Variants in FRMD4A observed in about 807,000 individuals in gnomAD.
FRMD4A encodes FERM domain containing 4A.
A neutral mutation model predicts 129.1 loss-of-function variants in FRMD4A; 29 were observed. That is an observed-to-expected ratio of 0.22 (90% confidence interval 0.17 to 0.31). The LOEUF is 0.31. Ranked by LOEUF, FRMD4A falls within the 10% of genes least tolerant of loss-of-function variation. FRMD4A has a pLI of 1.00. For missense variants in FRMD4A, 1,272 were observed against 1,375.8 expected (o/e 0.92, Z 1.19); for synonymous variants, 634 against 571.6 (o/e 1.11, Z -1.56).
At chr10:14,068,167 T>C (rs1835151219) in intron 2 of FRMD4A, among the ~76,000 whole-genome samples, 1 of 152,218 alleles carries the variant, frequency 6.6e-6, no homozygotes, top group South Asian at 2.1e-4. Flanking sequence ...TTATGGATTA[T>C]GCTATGAAGT....
chr10:14,297,792 C>A (rs975924046), intron 2 of FRMD4A, among the ~76,000 whole-genome samples: 5 of 151,892 alleles, frequency 3.3e-5, no homozygotes, highest in African/African-American at 1.2e-4. Context: ...CTGGGATGAG[C>A]CCCTGGGAGT....
chr10:13,893,652 GC>G (rs2094725747), intron 2 of FRMD4A, among the ~76,000 whole-genome samples: 1 of 152,104 alleles, frequency 6.6e-6, no homozygotes, highest in Non-Finnish European at 1.5e-5. Flanking sequence ...CTCCCGAGTA[GC>G]TGGGATTACA....
intron 12 of FRMD4A, among the ~76,000 whole-genome samples, chr10:13,714,429 G>A (rs1470627187): frequency 6.6e-6 from 1 of 151,206 alleles, no homozygotes; most frequent in African/African-American, 2.4e-5. Flanking sequence ...AGTTTTTTAG[G>A]CATTCAATAT....
intron 4 of FRMD4A, among the ~76,000 whole-genome samples, chr10:13,809,519 T>TA (rs35006642): frequency 0.54 from 81,683 of 152,000 alleles, 22,937 homozygotes; most frequent in Non-Finnish European, 0.62. Flanking sequence ...TAAAAGCTTT[T>TA]AAAAAAATTG....
At chr10:14,172,816 G>A (rs569030284) in intron 2 of FRMD4A, among the ~76,000 whole-genome samples, 40 of 152,270 alleles carry the variant, frequency 2.6e-4, no homozygotes, top group African/African-American at 8.4e-4. Flanking sequence ...GTCACCAAGG[G>A]GATCTCAAAG....
intron 12 of FRMD4A, among the ~76,000 whole-genome samples, chr10:13,733,445 T>G (rs1398775361): frequency 6.6e-6 from 1 of 152,144 alleles, no homozygotes; most frequent in African/African-American, 2.4e-5. Flanking sequence ...GGCCTGGTTT[T>G]TTTTTTGGAG....
intron 12 of FRMD4A, among the ~76,000 whole-genome samples, chr10:13,709,970 G>A (rs1224317165): frequency 6.6e-6 from 1 of 151,986 alleles, no homozygotes; most frequent in Non-Finnish European, 1.5e-5. Context: ...AGATTTTGGT[G>A]TGCCCATCCC....
At chr10:13,862,938 GTTTTTTTT>G (rs34188957) in intron 2 of FRMD4A, among the ~76,000 whole-genome samples, 1 of 144,600 alleles carries the variant, frequency 6.9e-6, no homozygotes, top group Admixed American at 6.9e-5. Context: ...GTTCTGTTTT[GTTTTTTTT>G]TTTGTTTCTT....
chr10:14,023,520 G>A (rs1196128469), intron 2 of FRMD4A, among the ~76,000 whole-genome samples: 3 of 152,126 alleles, frequency 2.0e-5, no homozygotes, highest in Non-Finnish European at 4.4e-5. Flanking sequence ...CGGGGGCAGC[G>A]CAGTGTTGTT....
intron 6 of FRMD4A, among the ~76,000 whole-genome samples, chr10:13,768,080 A>ATATGTGTGTG (rs140898917): frequency 6.7e-6 from 1 of 149,988 alleles, no homozygotes; most frequent in Non-Finnish European, 1.5e-5. Flanking sequence ...GTCTGCAGGT[A>ATATGTGTGTG]TGTGTGTGTG....
rs527726828 is a variant in FRMD4A at position 14,047,252 on chromosome 10, G to T, written c.46-188340C>A. ...ATTGATGGTCTTGCTTGGTGGAAAA[G>T]AAGAACCAAGAAGGTTACGTGGGTG... On this transcript the variant is annotated intron_variant, in intron 2 of 24. Transcript: ENST00000357447. Among the ~76,000 whole-genome samples, 77 of 152,282 alleles carry T rather than the reference G, an allele frequency of 5.1e-4. 1 individual carries two copies. In the South Asian group the frequency reaches 0.015, roughly 30 times the overall value.
intron 2 of FRMD4A, among the ~76,000 whole-genome samples, chr10:14,106,646 CCA>C (rs966189306): frequency 7.2e-5 from 11 of 152,274 alleles, no homozygotes; most frequent in African/African-American, 2.6e-4. Flanking sequence ...CTTGCTTTAT[CCA>C]CACTACTCAC....
chr10:14,155,522 C>T (rs955865444), intron 2 of FRMD4A, among the ~76,000 whole-genome samples: 1 of 152,086 alleles, frequency 6.6e-6, no homozygotes, highest in African/African-American at 2.4e-5. Flanking sequence ...CCTCAATAGC[C>T]ATAAAGGATG....
intron 12 of FRMD4A, among the ~76,000 whole-genome samples, chr10:13,708,116 A>G (rs1417789769): frequency 2.6e-5 from 4 of 152,238 alleles, no homozygotes; most frequent in African/African-American, 9.6e-5. Context: ...AAGAAGGGGT[A>G]AAGTAGGAAT....
chr10:13,808,867 C>G, intron 4 of FRMD4A, among the ~76,000 whole-genome samples: 1 of 152,214 alleles, frequency 6.6e-6, no homozygotes, highest in East Asian at 1.9e-4. Flanking sequence ...TGGATCATGC[C>G]AGAAGGATGG....
chr10:13,907,448 A>G (rs1019044495), intron 2 of FRMD4A, among the ~76,000 whole-genome samples: 9 of 152,188 alleles, frequency 5.9e-5, no homozygotes, highest in Admixed American at 2.0e-4. Context: ...ATACCTAGAA[A>G]GTTGCAATGT....
chr10:13,915,414 T>G (rs1483836372), intron 2 of FRMD4A, among the ~76,000 whole-genome samples: 5 of 151,982 alleles, frequency 3.3e-5, no homozygotes, highest in African/African-American at 1.2e-4. Context: ...GGCTCACGCC[T>G]GTAATCCCAG....
intron 6 of FRMD4A, among the ~76,000 whole-genome samples, chr10:13,781,306 TAA>T (rs1253732948): frequency 3.8e-5 from 3 of 79,282 alleles, no homozygotes; most frequent in Non-Finnish European, 6.4e-5. Flanking sequence ...TCTTAAAAAT[TAA>T]AAAAAAAAAA....
At position 13,915,455 on chromosome 10, in the gene FRMD4A, A is replaced by G. The variant is rs181260622; in HGVS notation, c.46-56543T>C. 6.9e-3 allele frequency among the ~76,000 whole-genome samples: 1,048 copies of G among 151,660 alleles called. 9 individuals carry two copies. The highest frequency in any genetic ancestry group is 0.01 in the Non-Finnish European group (697 of 67,870). On this transcript the variant is annotated intron_variant, in intron 2 of 24. Transcript: ENST00000357447. ...TGGGAGGCTGAGGCGGGCGGATCAC[A>G]AGGTCAGGAGATCGAGACCATCCTG...
Sources: gnomAD v4.1 joint callset for allele counts (sites outside exome capture counted in the v4.1 genomes callset) on GRCh38, gnomAD v4.1.1 for gene constraint, MANE v1.5 for transcripts, NCBI Gene and HGNC (gene_info 2026-07-23, HGNC 2026-07-21) for gene names.